Variants in TRAPPC9 observed in about 807,000 individuals in gnomAD.
TRAPPC9 encodes IKK2 binding protein.
TRAPPC9 carries 83 observed loss-of-function variants against 124.0 expected under a neutral mutation model. That is an observed-to-expected ratio of 0.67 (90% CI 0.56 to 0.80). The LOEUF (loss-of-function observed/expected upper bound fraction) is 0.80. TRAPPC9 is among the 30% of genes least tolerant of loss of function. The pLI, the probability that TRAPPC9 is intolerant of heterozygous loss-of-function variation, is 0.00. For synonymous variants in TRAPPC9, 638 were observed against 617.5 expected (o/e 1.03, Z -0.49); for missense variants, 1,302 against 1,508.3 (o/e 0.86, Z 2.27).
intron 17 of TRAPPC9, among the ~76,000 whole-genome samples, chr8:140,067,175 G>A (rs762896054): frequency 5.3e-5 from 8 of 152,012 alleles, no homozygotes; most frequent in African/African-American, 9.7e-5. Context: ...ACAGATTCTC[G>A]CTCTGTCTCC....
At chr8:140,335,239 G>A (rs1051824684) in intron 9 of TRAPPC9, among the ~76,000 whole-genome samples, 2 of 152,146 alleles carry the variant, frequency 1.3e-5, no homozygotes, top group Non-Finnish European at 1.5e-5. Context: ...AGGCTGGAAG[G>A]AGCAAAGCCA....
chr8:139,813,233 A>C (rs1824566858), intron 21 of TRAPPC9, among the ~76,000 whole-genome samples: 1 of 152,218 alleles, frequency 6.6e-6, no homozygotes, highest in Non-Finnish European at 1.5e-5. Context: ...ACCTAGAGTA[A>C]GTCACGTCCC....
intron 15 of TRAPPC9, among the ~76,000 whole-genome samples, chr8:140,264,275 C>T (rs1315013993): frequency 6.6e-6 from 1 of 152,064 alleles, no homozygotes; most frequent in East Asian, 1.9e-4. Context: ...TCGTCTCCTC[C>T]CCGTCAGCGC....
intron 1 of TRAPPC9, chr8:140,456,720 T>C (rs2071678815): frequency 1.1e-6 from 1 of 878,798 alleles, no homozygotes; most frequent in African/African-American, 1.8e-5. Flanking sequence ...TAGGTAGCTA[T>C]GACTACCTTA....
At chr8:140,407,887 G>T (rs777065296) in intron 5 of TRAPPC9, among the ~76,000 whole-genome samples, 26 of 152,176 alleles carry the variant, frequency 1.7e-4, no homozygotes, top group Non-Finnish European at 3.2e-4. Flanking sequence ...CTCCCAAAGT[G>T]CTAGAATTAC....
intron 15 of TRAPPC9, among the ~76,000 whole-genome samples, chr8:140,272,108 G>GCGA (rs2064917891): frequency 1.6e-5 from 2 of 122,816 alleles, no homozygotes; most frequent in Non-Finnish European, 1.8e-5. Context: ...GGTGATTGTG[G>GCGA]TGGTGGCAAT....
intron 5 of TRAPPC9, among the ~76,000 whole-genome samples, chr8:140,413,108 G>C (rs2069767008): frequency 1.3e-5 from 2 of 152,162 alleles, no homozygotes; most frequent in Non-Finnish European, 1.5e-5. Flanking sequence ...CACCACCCGG[G>C]TCGGGCACGG....
chr8:139,753,933 G>A (rs1210231712), intron 21 of TRAPPC9, among the ~76,000 whole-genome samples: 2 of 152,218 alleles, frequency 1.3e-5, no homozygotes, highest in African/African-American at 2.4e-5. Context: ...CCCCCATCAT[G>A]GTTGTTTGTG....
At chr8:139,753,169 T>C (rs1442258799) in intron 21 of TRAPPC9, among the ~76,000 whole-genome samples, 1 of 140,136 alleles carries the variant, frequency 7.1e-6, no homozygotes, top group Non-Finnish European at 1.5e-5. Flanking sequence ...CCACCATCCA[T>C]CCATCCATCC....
chr8:139,912,766 C>A (rs939340735), intron 19 of TRAPPC9, among the ~76,000 whole-genome samples: 1 of 152,232 alleles, frequency 6.6e-6, no homozygotes, highest in Non-Finnish European at 1.5e-5. Flanking sequence ...TTTTCAGAAG[C>A]TTACTAACCA....
chr8:139,757,195 G>A (rs1392464880), intron 21 of TRAPPC9, among the ~76,000 whole-genome samples: 1 of 130,380 alleles, frequency 7.7e-6, no homozygotes, highest in African/African-American at 3.1e-5. Flanking sequence ...ACAGCAGGGT[G>A]CAGGAGGAGC....
At chr8:140,177,465 T>G (rs2062095719) in intron 17 of TRAPPC9, among the ~76,000 whole-genome samples, 1 of 152,180 alleles carries the variant, frequency 6.6e-6, no homozygotes, top group African/African-American at 2.4e-5. Context: ...GATGGGTCTA[T>G]TACTATTAAT....
chr8:140,440,379 C>T (rs932124426), intron 2 of TRAPPC9, among the ~76,000 whole-genome samples: 92 of 152,132 alleles, frequency 6.0e-4, no homozygotes, highest in African/African-American at 2.1e-3. Context: ...TGGTGGCACG[C>T]GCCTGTAGTC....
At chr8:139,833,422 C>T (rs1175197897) in intron 21 of TRAPPC9, among the ~76,000 whole-genome samples, 1 of 152,238 alleles carries the variant, frequency 6.6e-6, no homozygotes, top group African/African-American at 2.4e-5. Flanking sequence ...GCCTTTCCCA[C>T]ACAGGCCCAC....
intron 21 of TRAPPC9, among the ~76,000 whole-genome samples, chr8:139,792,408 G>A (rs373681975): frequency 1.1e-4 from 16 of 152,356 alleles, no homozygotes; most frequent in East Asian, 9.7e-4. Flanking sequence ...TGCCACACGC[G>A]TGTGCGCGTG....
At chr8:140,369,674 G>A (rs749940733) in intron 8 of TRAPPC9, among the ~76,000 whole-genome samples, 4 of 152,146 alleles carry the variant, frequency 2.6e-5, no homozygotes, top group Non-Finnish European at 4.4e-5. Context: ...TGAAGAGGCC[G>A]GGCATGGTGG....
chr8:140,430,686 T>C (rs988763976), intron 4 of TRAPPC9, among the ~76,000 whole-genome samples: 5 of 152,234 alleles, frequency 3.3e-5, no homozygotes, highest in African/African-American at 9.6e-5. Flanking sequence ...TAGCCCAGGC[T>C]GGAGTGCAGT....
At chr8:140,157,779 G>A (rs989671516) in intron 17 of TRAPPC9, among the ~76,000 whole-genome samples, 4 of 151,664 alleles carry the variant, frequency 2.6e-5, no homozygotes, top group Non-Finnish European at 5.9e-5. Context: ...GCAAAAAGAA[G>A]AAAAATTGCC....
chr8:140,044,262 A>C (rs1052763649), intron 17 of TRAPPC9, among the ~76,000 whole-genome samples: 3 of 149,854 alleles, frequency 2.0e-5, no homozygotes, highest in Non-Finnish European at 3.0e-5. Context: ...AAGCAACAGA[A>C]CAACAACGAC....
Sources: allele counts gnomAD v4.1 joint callset (sites outside exome capture counted in the v4.1 genomes callset), GRCh38; gene constraint gnomAD v4.1.1; transcripts MANE v1.5; gene names NCBI Gene and HGNC (gene_info 2026-07-23, HGNC 2026-07-21).